The following DENND4B variants were observed in gnomAD, a reference collection of about 807,000 sequenced individuals.
The protein encoded by DENND4B is DENN domain-containing protein 4B.
Under a neutral mutation model 161.0 loss-of-function variants are expected in DENND4B, and 67 were observed. The ratio of observed to expected loss-of-function variants is 0.42; its 90% CI spans 0.34 to 0.51. DENND4B has a LOEUF of 0.51. Among genes scored for constraint, DENND4B ranks in the 20% least tolerant of loss-of-function variants. The pLI is 0.08. For missense variants in DENND4B, 1,481 were observed against 1,968.0 expected, an observed-to-expected ratio of 0.75 and a Z score of 4.68; for synonymous variants, 753 against 813.8, an observed-to-expected ratio of 0.93 and a Z score of 1.27.
In DENND4B at chr1:153,944,823, T is replaced by C. The variant is rs1679874458; in HGVS notation, c.-23-426A>G. ...GTTTCTGACCTTCCTACTCTAGTTATGACACCATAAGAACCTTGTGATCCT... is the reference window on the plus strand; with the variant it reads ...GTTTCTGACCTTCCTACTCTAGTTACGACACCATAAGAACCTTGTGATCCT... On this transcript the variant is annotated intron_variant, in intron 1 of 27. Coordinates refer to ENST00000361217, the MANE Select transcript of DENND4B (RefSeq NM_014856.3). This position sits in a 1 kb window ranked among gnomAD's most constrained non-coding sequence, Gnocchi z 4.8. Among the ~76,000 whole-genome samples the C allele has an allele frequency of 1.3e-5, 2 of 152,214 alleles. No homozygotes were observed. The highest frequency in any genetic ancestry group is 2.4e-5 in the African/African-American group (1 of 41,456).
rs1349467384 is a variant in DENND4B at position 153,930,683 on chromosome 1, G to C, written c.4280+9C>G. 1.9e-6 allele frequency: 3 copies of C among 1,612,854 alleles called. No homozygotes were observed. Among genetic ancestry groups the C allele is most frequent in the South Asian group, 2.2e-5 (2 of 90,928 alleles). On this transcript the variant is annotated intron_variant, in intron 26 of 27. Coordinates refer to ENST00000361217, the MANE Select transcript of DENND4B (RefSeq NM_014856.3). This position sits in a 1 kb window ranked among gnomAD's most constrained non-coding sequence, Gnocchi z 4.7. ...CAGACCAGGGATCACCCAGATGGTA[G>C]CACCATACCTCTGCAGGTGCAGGCC...
intron 1 of DENND4B, chr1:153,945,211 A>C (rs2102079801): frequency 7.8e-7 from 1 of 1,282,672 alleles, no homozygotes; most frequent in African/African-American, 1.5e-5. Context: ...AGCTGGGAAA[A>C]AGCCTGGTGG....
Position 153,936,521 on chromosome 1 carries a change from A to C in DENND4B, c.2439+21T>G. Reference sequence around the variant, plus strand: ...AGGCTCACTGGGCCTGGGTATGAGCATGGTCACATAGATTGCCTACCTCAT... The same window carrying C: ...AGGCTCACTGGGCCTGGGTATGAGCCTGGTCACATAGATTGCCTACCTCAT... On this transcript the variant is annotated intron_variant, in intron 16 of 27. Transcript: ENST00000361217. The surrounding 1 kb of genome is among the most constrained non-coding windows in gnomAD (Gnocchi z 4.1). The C allele has an allele frequency of 1.3e-6, 2 of 1,557,504 alleles. No individual in the cohort carries two copies. The highest frequency in any genetic ancestry group is 1.7e-6 in the Non-Finnish European group (2 of 1,146,534).
Position 153,940,824 on chromosome 1 carries a change from G to T in DENND4B, c.1326+80C>A, listed in dbSNP as rs1679621476. 6.7e-7 allele frequency: 1 copy of T among 1,500,260 alleles called. No individual in the cohort carries two copies. Among genetic ancestry groups the T allele is most frequent in the East Asian group, 2.3e-5 (1 of 43,418 alleles). The allele number at this position is 1,500,260 out of a possible 1,614,324, so 92.9% of individuals were successfully genotyped here. On this transcript the variant is annotated intron_variant, in intron 9 of 27. Coordinates refer to ENST00000361217, the MANE Select transcript of DENND4B (RefSeq NM_014856.3). This position sits in a 1 kb window ranked among gnomAD's most constrained non-coding sequence, Gnocchi z 5.6. Reference sequence around the variant, plus strand: ...GAGGATCCTCCACAAGGAAGGAAAAGGGAAGAGTCCAGGCAGGGATAGGGG... The same window carrying T: ...GAGGATCCTCCACAAGGAAGGAAAATGGAAGAGTCCAGGCAGGGATAGGGG...
At chr1:153,945,015 CAGGATCCTT>C in intron 1 of DENND4B, 1 of 1,138,374 alleles carries the variant, frequency 8.8e-7, no homozygotes, top group Non-Finnish European at 1.1e-6. Context: ...CTCACACCTC[CAGGATCCTT>C]AGGTAGCTCG....
At chr1:153,941,819 C>T in intron 6 of DENND4B, 50 bp downstream of exon 6, 1 of 1,602,564 alleles carries the variant, frequency 6.2e-7, no homozygotes, top group Admixed American at 1.7e-5. Flanking sequence ...CTCTCCTGGC[C>T]CCCTTATCCC....
Position 153,937,561 on chromosome 1 carries a change from T to G in DENND4B, c.2159A>C (p.Gln720Pro). Reference protein sequence around the residue: ...RAELFESLQEQPGALPVPGPS... With the variant: ...RAELFESLQEPPGALPVPGPS... ...GCCTGGCACAGGCAGGGCCCCAGGT[T>G]GCTCTTGAAGAGACTCAAACAACTC... The change falls in exon 15 of 28, where the codon CAA becomes CCA. Residue 720 changes from glutamine to proline, a missense_variant. This residue lies in a region of DENND4B where 806 missense variants were observed against 1,134.4 expected (regional missense o/e 0.71). Transcript: ENST00000361217. The surrounding 1 kb of genome is among the most constrained non-coding windows in gnomAD (Gnocchi z 4.7). 1 of 1,613,284 alleles carries G rather than the reference T, an allele frequency of 6.2e-7. No homozygotes were observed. Among genetic ancestry groups the G allele is most frequent in the African/African-American group, 1.3e-5 (1 of 75,052 alleles).
chr1:153,935,007 C>T, intron 17 of DENND4B, 43 bp from the exon 18 acceptor site: 3 of 1,596,682 alleles, frequency 1.9e-6, no homozygotes, highest in Non-Finnish European at 2.6e-6. Flanking sequence ...CCTCGACACC[C>T]TAACCCTGCC....
chr1:153,944,519 G>A lies in DENND4B; in HGVS notation c.-23-122C>T. 3.9e-6 allele frequency: 4 copies of A among 1,021,146 alleles called. No individual in the cohort carries two copies. The highest frequency in any genetic ancestry group is 4.1e-6 in the Non-Finnish European group (3 of 726,588). 63.3% of individuals were successfully genotyped at this position (1,021,146 alleles called of 1,614,324 possible). ...CCAAAGAAAGGCAGGATAAGGGGTC[G>A]GCCAATCCTGAACTCTTCCCCCTGT... On this transcript the variant is annotated intron_variant, in intron 1 of 27. Coordinates refer to ENST00000361217, the MANE Select transcript of DENND4B (RefSeq NM_014856.3). This position sits in a 1 kb window ranked among gnomAD's most constrained non-coding sequence, Gnocchi z 4.8.
chr1:153,937,798 A>G lies in DENND4B; in HGVS notation c.2031T>C (p.Ser677=). The G allele has an allele frequency of 6.2e-7, 1 of 1,613,956 alleles. No individual in the cohort carries two copies. ...PLVELEELSG[S]ELTVFITPPE... is the part of the protein sequence containing the mutation. Reference sequence around the variant, plus strand: ...GAGGTGTGATAAAGACAGTGAGCTCACTTCCTGACAGCTCCTCTAGCTCCA... The same window carrying G: ...GAGGTGTGATAAAGACAGTGAGCTCGCTTCCTGACAGCTCCTCTAGCTCCA... Residue 677 remains serine (S), a synonymous_variant, in exon 14 of 28, where the codon AGT becomes AGC. Transcript: ENST00000361217. The surrounding 1 kb of genome is among the most constrained non-coding windows in gnomAD (Gnocchi z 4.7).
In DENND4B at chr1:153,932,154, G is replaced by A. The variant is rs775046152; in HGVS notation, c.3996+50C>T. On this transcript the variant is annotated intron_variant, in intron 24 of 27. Transcript: ENST00000361217. The surrounding 1 kb of genome is among the most constrained non-coding windows in gnomAD (Gnocchi z 5.8). The stretch of plus-strand genomic sequence containing the variant: ...CCAAGGACACAGTGGACAAATGGCT[G>A]AGAGATGAGGGAGGCACTTAGGAAA... The A allele has an allele frequency of 4.5e-5, 68 of 1,516,800 alleles. No individual in the cohort carries two copies. The highest frequency in any genetic ancestry group is 5.3e-5 in the Non-Finnish European group (59 of 1,105,234). 94.0% of individuals were successfully genotyped at this position (1,516,800 alleles called of 1,614,324 possible). A position where few individuals can be genotyped will look rare whatever the true frequency, so the allele number is the denominator to read the frequency against.
chr1:153,935,214 A>G (rs1428817275), intron 17 of DENND4B: 1 of 575,762 alleles, frequency 1.7e-6, no homozygotes, highest in Non-Finnish European at 3.0e-6. Flanking sequence ...GCTTAGAAAT[A>G]TAAAATATAT....
chr1:153,932,926 G>T lies in DENND4B; in HGVS notation c.3558C>A (p.Thr1186=), dbSNP rs777367578. The T allele has an allele frequency of 6.2e-7, 1 of 1,614,052 alleles. No homozygotes were observed. Among genetic ancestry groups the T allele is most frequent in the Admixed American group, 1.7e-5 (1 of 60,032 alleles). The part of the protein sequence containing the change: ...WAPDDSNLNT[T]CPFCACPFVP... ...CAAAGGGGCAGGCGCAGAAGGGGCA[G>T]GTTGTGTTGAGGTTAGAGTCATCAG... Residue 1186 remains threonine, a synonymous_variant, in exon 22 of 28, where the codon ACC becomes ACA. Transcript: ENST00000361217. The surrounding 1 kb of genome is among the most constrained non-coding windows in gnomAD (Gnocchi z 5.8).
chr1:153,935,839 A>C, intron 17 of DENND4B: 3 of 529,572 alleles, frequency 5.7e-6, no homozygotes, highest in Non-Finnish European at 6.8e-6. Context: ...GGCTGACACT[A>C]TTAGTTGTAG....
Position 153,932,066 on chromosome 1 carries a change from C to G in DENND4B, c.3996+138G>C, listed in dbSNP as rs1258029131. 1.2e-6 allele frequency: 1 copy of G among 810,266 alleles called. No individual in the cohort carries two copies. The highest frequency in any genetic ancestry group is 1.9e-6 in the Non-Finnish European group (1 of 514,988). The allele number at this position is 810,266 out of a possible 1,614,324, so 50.2% of individuals were successfully genotyped here. ...AGGTGATTCGCCCACCTCGGCCTCC[C>G]AAAGTGCTGGGATTACAGGCATGAG... On this transcript the variant is annotated intron_variant, in intron 24 of 27. Transcript: ENST00000361217. The surrounding 1 kb of genome is among the most constrained non-coding windows in gnomAD (Gnocchi z 5.8).
rs775503712 is a variant in DENND4B at position 153,930,780 on chromosome 1, G to A, written c.4192C>T (p.Arg1398Cys). Reference sequence around the variant, plus strand: ...TGCACTTCATTGAGTCCAACATGGCGCAGCACTGACTCCAACAGTGCCAAA... The same window carrying A: ...TGCACTTCATTGAGTCCAACATGGCACAGCACTGACTCCAACAGTGCCAAA... ...LSLALLESVLRHVGLNEVHKA... is the reference protein window; with the variant it reads ...LSLALLESVLCHVGLNEVHKA... Residue 1398 changes from arginine (R) to cysteine (C), a missense_variant, in exon 26 of 28, where the codon CGC becomes TGC. By Grantham distance (180) the Arg-to-Cys change is radical. Around this residue, in one of 3 missense-constraint regions of DENND4B, gnomAD observed 336 missense variants for 503.3 expected, o/e 0.67. Coordinates refer to ENST00000361217, the MANE Select transcript of DENND4B (RefSeq NM_014856.3). The surrounding 1 kb of genome is among the most constrained non-coding windows in gnomAD (Gnocchi z 4.7). 15 of 1,608,660 alleles carry A rather than the reference G, an allele frequency of 9.3e-6. No homozygotes were observed. Among genetic ancestry groups the A allele is most frequent in the South Asian group, 7.8e-5 (7 of 90,058 alleles).
At position 153,938,940 on chromosome 1, in the gene DENND4B, C is replaced by T. The variant is rs376641061; in HGVS notation, c.1925G>A (p.Arg642His). 10 of 1,603,566 alleles carry T rather than the reference C, an allele frequency of 6.2e-6. No homozygotes were observed. Among genetic ancestry groups the T allele is most frequent in the Non-Finnish European group, 8.5e-6 (10 of 1,174,914 alleles). The change falls in exon 13 of 28, where the codon CGC becomes CAC. Residue 642 changes from arginine (R) to histidine (H), a missense_variant. Transcript: ENST00000361217. ...FIEECSFGSA[R>H]HAALEFFDSC... is the part of the protein sequence containing the mutation. The stretch of plus-strand genomic sequence containing the variant: ...GTCAAAGAATTCAAGGGCAGCATGG[C>T]GAGCAGAGCCAAAAGAGCACTCCTC...
rs1432800976 is a variant in DENND4B, at chr1:153,942,264, C to T, written c.733G>A (p.Glu245Lys). Residue 245 changes from glutamate to lysine, a missense_variant, in exon 5 of 28, where the codon GAG becomes AAG. By Grantham distance (56) the Glu-to-Lys change is moderately conservative (BLOSUM62 1). Around this residue, in one of 3 missense-constraint regions of DENND4B, gnomAD observed 806 missense variants for 1,134.4 expected, o/e 0.71. Coordinates refer to ENST00000361217, the MANE Select transcript of DENND4B (RefSeq NM_014856.3). This position sits in a 1 kb window ranked among gnomAD's most constrained non-coding sequence, Gnocchi z 6.9. Reference protein sequence around the residue: ...VFCLPMGATIECWPAQTKYPV... With the variant: ...VFCLPMGATIKCWPAQTKYPV... The stretch of plus-strand genomic sequence containing the variant: ...TACTTGGTCTGGGCAGGCCAGCACT[C>T]GATAGTGGCCCCCATGGGCAGGCAG... 3 of 1,613,934 alleles carry T rather than the reference C, an allele frequency of 1.9e-6. No homozygotes were observed. Among genetic ancestry groups the T allele is most frequent in the South Asian group, 2.2e-5 (2 of 91,090 alleles).
rs1055971940 is a variant in DENND4B at position 153,942,688 on chromosome 1, TTCTC to T, written c.571-67_571-64del. 8 of 1,505,440 alleles carry T rather than the reference TTCTC, an allele frequency of 5.3e-6. No individual in the cohort carries two copies. In the Admixed American group the frequency reaches 1.2e-4, roughly 23 times the overall value. The allele number at this position is 1,505,440 out of a possible 1,614,324, so 93.3% of individuals were successfully genotyped here. A position where few individuals can be genotyped will look rare whatever the true frequency, so the allele number is the denominator to read the frequency against. ...CTAACAAAGGTTTCTGGGGTCCACT[TTCTC>T]TCTACCACCCCTAAATGTTCTTTTG... On this transcript the variant is annotated intron_variant, in intron 3 of 27. Coordinates refer to ENST00000361217, the MANE Select transcript of DENND4B (RefSeq NM_014856.3). This position sits in a 1 kb window ranked among gnomAD's most constrained non-coding sequence, Gnocchi z 6.9.
Sources: gnomAD v4.1 joint callset for allele counts (sites outside exome capture counted in the v4.1 genomes callset) on GRCh38, gnomAD v4.1.1 for gene constraint, gnomAD v4.1.1 regional missense constraint, Gnocchi (gnomAD v3.1) non-coding constraint, MANE v1.5 for transcripts, NCBI Gene and HGNC (gene_info 2026-07-23, HGNC 2026-07-21) for gene names.